ART1: variants seen among roughly 807,000 people sequenced by gnomAD.
ART1 encodes GPI-linked NAD(P)(+)--arginine ADP-ribosyltransferase 1.
ART1 carries 29 observed loss-of-function variants against 27.0 expected under a neutral mutation model. That is an observed-to-expected ratio of 1.08 (90% confidence interval 0.80 to 1.47). The LOEUF is 1.47. Among genes scored for constraint, ART1 ranks in the 40% most tolerant of loss-of-function variants. The pLI is 0.00. For synonymous variants in ART1, 201 were observed against 172.2 expected (o/e 1.17, Z -1.31); for missense variants, 480 against 423.0 (o/e 1.13, Z -1.18).
chr11:3,652,325 A>C (rs2077530250), intron 1 of ART1, among the ~76,000 whole-genome samples: 1 of 150,184 alleles, frequency 6.7e-6, no homozygotes, highest in African/African-American at 2.5e-5. Flanking sequence ...TCCCACCTCT[A>C]TACAGTCTGA....
intron 1 of ART1, among the ~76,000 whole-genome samples, chr11:3,653,431 C>A (rs1489865253): frequency 1.3e-5 from 2 of 148,310 alleles, no homozygotes. Context: ...TACTGCGCAC[C>A]TTGTGACCCC....
At chr11:3,661,706 C>A (rs913321724) in intron 4 of ART1, among the ~76,000 whole-genome samples, 1 of 152,076 alleles carries the variant, frequency 6.6e-6, no homozygotes, top group African/African-American at 2.4e-5. Flanking sequence ...CCATGTTGGC[C>A]AGGCTGGTCT....
Position 3,653,441 on chromosome 11 carries a change from C to G in ART1, c.-52-5721C>G, listed in dbSNP as rs548090218. On this transcript the variant is annotated intron_variant, in intron 1 of 4. Transcript: ENST00000250693. ...TCCTCTACTGCGCACCTTGTGACCCCCACTCTGACTGCCAGAGAACAACCC... is the reference window on the plus strand; with the variant it reads ...TCCTCTACTGCGCACCTTGTGACCCGCACTCTGACTGCCAGAGAACAACCC... Among the ~76,000 whole-genome samples, 134 of 148,534 alleles carry G rather than the reference C, an allele frequency of 9.0e-4. 12 individuals are homozygous for G. The highest frequency in any genetic ancestry group is 3.2e-3 in the African/African-American group (124 of 38,360).
chr11:3,650,757 A>G (rs557682660), intron 1 of ART1, among the ~76,000 whole-genome samples: 16 of 151,030 alleles, frequency 1.1e-4, no homozygotes, highest in Middle Eastern at 3.4e-3. Flanking sequence ...CTACAGCCAC[A>G]CCTCATTGCC....
At chr11:3,653,608 T>G (rs946338108) in intron 1 of ART1, among the ~76,000 whole-genome samples, 3 of 152,220 alleles carry the variant, frequency 2.0e-5, no homozygotes, top group Admixed American at 6.5e-5. Flanking sequence ...AAAGCCTGTT[T>G]GGTGGTCTCT....
chr11:3,659,617 T>G lies in ART1; in HGVS notation c.98T>G (p.Phe33Cys). ...QSHPITRRDL[F>C]SQEIQLDMAL... The stretch of plus-strand genomic sequence containing the variant: ...CACCCCATCACACGACGAGACCTCT[T>G]CTCTCAAGAGATTCAGCTGGACATG... Residue 33 changes from phenylalanine to cysteine, a missense_variant, in exon 3 of 5, where the codon TTC (phenylalanine) becomes TGC (cysteine). By Grantham distance (205) the Phe-to-Cys change is radical. Coordinates refer to ENST00000250693, the MANE Select transcript of ART1 (RefSeq NM_004314.3). 6.2e-7 allele frequency: 1 copy of G among 1,611,790 alleles called. No individual in the cohort carries two copies. The highest frequency in any genetic ancestry group is 1.1e-5 in the South Asian group (1 of 90,920).
At chr11:3,651,776 G>A (rs555617982) in intron 1 of ART1, among the ~76,000 whole-genome samples, 237 of 151,674 alleles carry the variant, frequency 1.6e-3, no homozygotes, top group Non-Finnish European at 2.1e-3. Flanking sequence ...TTCCTGGCCC[G>A]GACTTCAATC....
intron 1 of ART1, among the ~76,000 whole-genome samples, chr11:3,658,740 G>A (rs913336774): frequency 1.3e-5 from 2 of 152,160 alleles, no homozygotes; most frequent in Admixed American, 1.3e-4. Flanking sequence ...GCGAGGTGAA[G>A]CCCAGGTCTC....
At position 3,659,602 on chromosome 11, in the gene ART1, C is replaced by A; in HGVS notation, c.83C>A (p.Thr28Lys). ...CCTCAGGCCCAGAGCCACCCCATCA[C>A]ACGACGAGACCTCTTCTCTCAAGAG... ...EALQAQSHPI[T>K]RRDLFSQEIQ... is the part of the protein sequence containing the mutation. Residue 28 changes from threonine (T) to lysine (K), a missense_variant, in exon 3 of 5, where the codon ACA becomes AAA. Coordinates refer to ENST00000250693, the MANE Select transcript of ART1 (RefSeq NM_004314.3). 1 of 1,605,268 alleles carries A rather than the reference C, an allele frequency of 6.2e-7. No individual in the cohort carries two copies. Among genetic ancestry groups the A allele is most frequent in the South Asian group, 1.1e-5 (1 of 89,868 alleles).
intron 4 of ART1, 99 bp downstream of exon 4, chr11:3,661,512 G>C: frequency 3.4e-6 from 1 of 296,788 alleles, no homozygotes; most frequent in Non-Finnish European, 5.1e-6. Context: ...TTTTTTTTTT[G>C]AGACAGAGTT....
intron 1 of ART1, among the ~76,000 whole-genome samples, chr11:3,655,277 C>G (rs1315088293): frequency 6.6e-6 from 1 of 152,188 alleles, no homozygotes; most frequent in Non-Finnish European, 1.5e-5. Flanking sequence ...GTGCAGTGAG[C>G]TTCTTTGTAA....
rs112622077 is a variant in ART1, at chr11:3,656,579, A to G, written c.-52-2583A>G. Among the ~76,000 whole-genome samples the G allele has an allele frequency of 4.9e-3, 747 of 151,984 alleles. 5 individuals carry two copies. The highest frequency in any genetic ancestry group is 0.017 in the African/African-American group (716 of 41,452). ...TGTATTTTTGTGGAGATGGGGTTTC[A>G]CCACGTTGGCCAGGCTGGTCTTGAA... On this transcript the variant is annotated intron_variant, in intron 1 of 4. Coordinates refer to ENST00000250693, the MANE Select transcript of ART1 (RefSeq NM_004314.3).
At chr11:3,658,401 C>T (rs61878555) in intron 1 of ART1, among the ~76,000 whole-genome samples, 11,332 of 151,906 alleles carry the variant, frequency 0.075, 561 homozygotes, top group Non-Finnish European at 0.11. Flanking sequence ...GACCCAATGC[C>T]TGGACACCCT....
chr11:3,646,505 G>C (rs1451099056), intron 1 of ART1, among the ~76,000 whole-genome samples: 1 of 152,188 alleles, frequency 6.6e-6, no homozygotes, highest in African/African-American at 2.4e-5. Context: ...CCCTGAGCTA[G>C]ATTAAGCCTA....
chr11:3,664,043 C>CTT, intron 4 of ART1, 49 bp from the exon 5 acceptor site: 4 of 1,593,720 alleles, frequency 2.5e-6, no homozygotes, highest in Non-Finnish European at 3.4e-6. Flanking sequence ...CTAAATACCT[C>CTT]TTTTTTTCTC....
At chr11:3,651,230 C>T (rs183554859) in intron 1 of ART1, among the ~76,000 whole-genome samples, 9,302 of 140,072 alleles carry the variant, frequency 0.066, 471 homozygotes, top group Non-Finnish European at 0.096. Context: ...TTCATCCCAG[C>T]CTCTCTTTGC....
At position 3,664,071 on chromosome 11, in the gene ART1, C is replaced by T. The variant is rs115159160; in HGVS notation, c.887-21C>T. On this transcript the variant is annotated intron_variant, in intron 4 of 4. Transcript: ENST00000250693. ...TTTTTCTCTCTCTCTCCCCCAACCT[C>T]TCTGCCTGTTTTCCCTGCAGCCATG... The T allele has an allele frequency of 4.1e-4, 669 of 1,612,548 alleles. 3 individuals carry two copies. The African/African-American group carries it at 8.2e-3, about 20-fold the overall frequency.
chr11:3,650,160 T>C (rs1014038739), intron 1 of ART1, among the ~76,000 whole-genome samples: 1 of 152,196 alleles, frequency 6.6e-6, no homozygotes, highest in African/African-American at 2.4e-5. Context: ...ACGCCTGAAC[T>C]GCAGCTGCCA....
At chr11:3,661,488 ATCT>A (rs2077620073) in intron 4 of ART1, 75 bp downstream of exon 4, 14 of 365,714 alleles carry the variant, frequency 3.8e-5, no homozygotes, top group Non-Finnish European at 5.0e-5. Context: ...CATCACCTCG[ATCT>A]TTTTTTTTTT....
Sources: allele counts gnomAD v4.1 joint callset (sites outside exome capture counted in the v4.1 genomes callset), GRCh38; gene constraint gnomAD v4.1.1; transcripts MANE v1.5; gene names NCBI Gene and HGNC (gene_info 2026-07-23, HGNC 2026-07-21).